Variants in RHBDD2 observed in about 807,000 individuals in gnomAD.
RHBDD2 encodes rhomboid domain-containing protein 2.
A neutral mutation model predicts 21.7 loss-of-function variants in RHBDD2; 13 were observed. That is an observed-to-expected ratio of 0.60 (90% confidence interval 0.39 to 0.95). The LOEUF is 0.95. Among genes scored for constraint, RHBDD2 ranks in the 40% least tolerant of loss-of-function variants. The pLI, the probability that RHBDD2 is intolerant of heterozygous loss-of-function variation, is 0.00. For synonymous variants in RHBDD2, 225 were observed against 220.0 expected (o/e 1.02, Z -0.20); for missense variants, 473 against 478.9 (o/e 0.99, Z 0.11).
At chr7:75,885,339 C>G (rs1235313106) in intron 3 of RHBDD2, among the ~76,000 whole-genome samples, 2 of 152,084 alleles carry the variant, frequency 1.3e-5, no homozygotes, top group African/African-American at 4.8e-5. Flanking sequence ...CACTCTGTTT[C>G]CAGGTAACAG....
At chr7:75,881,497 A>C in intron 1 of RHBDD2, 2 of 1,307,828 alleles carry the variant, frequency 1.5e-6, no homozygotes, top group Non-Finnish European at 2.0e-6. Flanking sequence ...GTAGGTCAGT[A>C]TGAAAACCTG....
rs1554544699 is a variant in RHBDD2 at position 75,888,701 on chromosome 7, C to T, written c.*352C>T. On this transcript the variant is annotated 3_prime_UTR_variant, in exon 4 of 4. Transcript: ENST00000006777. ...CCACCATTCCTCCCTGTGGCTGTGC[C>T]GTGCTCGTGGTTTCAGTGTCCGTGT... is the stretch of plus-strand genomic sequence containing the variant. 1.3e-5 allele frequency: 4 copies of T among 300,086 alleles called. No individual in the cohort carries two copies. The highest frequency in any genetic ancestry group is 4.7e-5 in the Admixed American group (1 of 21,352). The allele number at this position is 300,086 out of a possible 1,614,324, so 18.6% of individuals were successfully genotyped here.
intron 1 of RHBDD2, chr7:75,880,337 T>C (rs1449656705): frequency 6.6e-6 from 1 of 152,182 alleles, no homozygotes; most frequent in African/African-American, 2.4e-5. Flanking sequence ...CATAGCCTGC[T>C]TCCCCACTCC....
At chr7:75,884,422 TG>T (rs1211303008) in intron 3 of RHBDD2, among the ~76,000 whole-genome samples, 2 of 152,126 alleles carry the variant, frequency 1.3e-5, no homozygotes, top group African/African-American at 4.8e-5. Context: ...GTCTCCACTG[TG>T]TTACCAAGGC....
chr7:75,883,900 A>ATT (rs565504145), intron 3 of RHBDD2, 52 bp downstream of exon 3: 324 of 1,152,712 alleles, frequency 2.8e-4, no homozygotes, highest in African/African-American at 9.7e-4. Flanking sequence ...AAAAAAAATT[A>ATT]TTTTTTTTTT....
At chr7:75,884,168 C>T (rs1805509788) in intron 3 of RHBDD2, among the ~76,000 whole-genome samples, 1 of 152,198 alleles carries the variant, frequency 6.6e-6, no homozygotes, top group African/African-American at 2.4e-5. Context: ...GCTGGGATTA[C>T]AGGCGTGAGC....
At chr7:75,881,757 A>G (rs1021909738) in intron 1 of RHBDD2, 72 bp from the exon 2 acceptor site, 2 of 1,438,364 alleles carry the variant, frequency 1.4e-6, no homozygotes, top group Admixed American at 2.1e-5. Flanking sequence ...TGCCTTTCCT[A>G]GGCGGCTTAT....
chr7:75,888,048 C>G lies in RHBDD2; in HGVS notation c.794C>G (p.Pro265Arg). 1 of 1,613,726 alleles carries G rather than the reference C, an allele frequency of 6.2e-7. No individual in the cohort carries two copies. The highest frequency in any genetic ancestry group is 8.5e-7 in the Non-Finnish European group (1 of 1,180,014). ...CAGAGCTGCCACCCTCACCTGTCCC[C>G]AAGCCACCCTGTGTCCCAGACGCAG... ...PTQSCHPHLSPSHPVSQTQHA... is the reference protein window; with the variant it reads ...PTQSCHPHLSRSHPVSQTQHA... Residue 265 changes from proline to arginine, a missense_variant, in exon 4 of 4, where the codon CCA (proline) becomes CGA (arginine). Physicochemically the swap from Pro to Arg is moderately radical, Grantham distance 103. Transcript: ENST00000006777.
chr7:75,882,207 A>C lies in RHBDD2; in HGVS notation c.557A>C (p.Asn186Thr). Residue 186 changes from asparagine to threonine, a missense_variant, in exon 2 of 4, where the codon AAT (asparagine) becomes ACT (threonine). Physicochemically the swap from Asn to Thr is moderately conservative, Grantham distance 65 (BLOSUM62 0). Coordinates refer to ENST00000006777, the MANE Select transcript of RHBDD2 (RefSeq NM_001040456.3). ...ATTCCCCAGACCTCTTTCCTCAGTA[A>C]TGTCTGCGGGCTGTCCATCGGGCTG... ...WLIPQTSFLS[N>T]VCGLSIGLAY... The C allele has an allele frequency of 6.2e-7, 1 of 1,613,702 alleles. No individual in the cohort carries two copies.
intron 1 of RHBDD2, among the ~76,000 whole-genome samples, chr7:75,880,064 C>A (rs975522839): frequency 5.9e-5 from 9 of 152,072 alleles, no homozygotes; most frequent in African/African-American, 1.9e-4. Context: ...GGCCCGTTAT[C>A]TAGATAAGAT....
intron 1 of RHBDD2, 27 bp downstream of exon 1, chr7:75,879,287 G>A: frequency 1.4e-6 from 2 of 1,449,942 alleles, no homozygotes; most frequent in Non-Finnish European, 1.8e-6. Context: ...CGGGATCGCG[G>A]GGCGAGTCCT....
At chr7:75,883,886 T>C in intron 3 of RHBDD2, 38 bp downstream of exon 3, 1 of 1,550,324 alleles carries the variant, frequency 6.5e-7, no homozygotes, top group Non-Finnish European at 8.7e-7. Context: ...TAAATCTTTT[T>C]TAAAAAAAAA....
intron 2 of RHBDD2, 29 bp downstream of exon 2, chr7:75,882,265 C>T: frequency 6.4e-7 from 1 of 1,560,028 alleles, no homozygotes; most frequent in South Asian, 1.2e-5. Flanking sequence ...AGCTATAGAA[C>T]AACGCATGTC....
intron 2 of RHBDD2, among the ~76,000 whole-genome samples, chr7:75,882,831 A>G (rs1331985121): frequency 1.3e-5 from 2 of 152,122 alleles, no homozygotes; most frequent in Admixed American, 6.6e-5. Flanking sequence ...GGGAGAGTCT[A>G]GCATAGCCTT....
In RHBDD2 at chr7:75,888,512, G is replaced by A; in HGVS notation, c.*163G>A. 1.6e-6 allele frequency: 1 copy of A among 629,192 alleles called. No homozygotes were observed. Among genetic ancestry groups the A allele is most frequent in the Middle Eastern group, 2.6e-4 (1 of 3,880 alleles). The allele number at this position is 629,192 out of a possible 1,614,324, so 39.0% of individuals were successfully genotyped here. A position where few individuals can be genotyped will look rare whatever the true frequency, so the allele number is the denominator to read the frequency against. On this transcript the variant is annotated 3_prime_UTR_variant, in exon 4 of 4. Coordinates refer to ENST00000006777, the MANE Select transcript of RHBDD2 (RefSeq NM_001040456.3). Reference sequence around the variant, plus strand: ...TCATCTGTACTCACGGCAGCCCTGTGGAGTACGGTGTACTGGCCCAGCTTA... The same window carrying A: ...TCATCTGTACTCACGGCAGCCCTGTAGAGTACGGTGTACTGGCCCAGCTTA...
chr7:75,881,410 C>T (rs1554542450), intron 1 of RHBDD2: 2 of 1,293,990 alleles, frequency 1.5e-6, no homozygotes, highest in South Asian at 2.5e-5. Flanking sequence ...GAGACTGGCA[C>T]ACAGAGTGTT....
At chr7:75,882,356 TC>T in intron 2 of RHBDD2, 120 bp downstream of exon 2, 1 of 928,756 alleles carries the variant, frequency 1.1e-6, no homozygotes, top group Non-Finnish European at 1.6e-6. Context: ...AAACAGAGTC[TC>T]TGTCACCCAG....
In RHBDD2 at chr7:75,888,614, C is replaced by T. The variant is rs1554544669; in HGVS notation, c.*265C>T. Reference sequence around the variant, plus strand: ...TAGTAACACGGACAAGGCTCCTCGCCAAGGAACTCGTGGCAGAAGAGGGCA... The same window carrying T: ...TAGTAACACGGACAAGGCTCCTCGCTAAGGAACTCGTGGCAGAAGAGGGCA... On this transcript the variant is annotated 3_prime_UTR_variant, in exon 4 of 4. Transcript: ENST00000006777. 6.5e-6 allele frequency: 3 copies of T among 459,724 alleles called. No individual in the cohort carries two copies. Among genetic ancestry groups the T allele is most frequent in the Non-Finnish European group, 7.8e-6 (2 of 255,514 alleles). The allele number at this position is 459,724 out of a possible 1,614,324, so 28.5% of individuals were successfully genotyped here.
In RHBDD2 at chr7:75,886,428, A is replaced by G. The variant is rs1480312518; in HGVS notation, c.738-1564A>G. On this transcript the variant is annotated intron_variant, in intron 3 of 3. Coordinates refer to ENST00000006777, the MANE Select transcript of RHBDD2 (RefSeq NM_001040456.3). Reference sequence around the variant, plus strand: ...GAATCTGGAGAACTGTCTGTCACCAAGGAATCCCCTCTGTAATAGCTGATG... The same window carrying G: ...GAATCTGGAGAACTGTCTGTCACCAGGGAATCCCCTCTGTAATAGCTGATG... Among the ~76,000 whole-genome samples, 5 of 152,142 alleles carry G rather than the reference A, an allele frequency of 3.3e-5. No homozygotes were observed. In the South Asian group the frequency reaches 8.3e-4, roughly 25 times the overall value.
Sources: allele counts gnomAD v4.1 joint callset (sites outside exome capture counted in the v4.1 genomes callset), GRCh38; gene constraint gnomAD v4.1.1; transcripts MANE v1.5; gene names NCBI Gene and HGNC (gene_info 2026-07-23, HGNC 2026-07-21).